FOXP1: variants seen among roughly 807,000 people sequenced by gnomAD.
FOXP1 encodes forkhead box protein P1.
FOXP1 carries 15 observed loss-of-function variants against 98.2 expected under a neutral mutation model. The observed-to-expected ratio is 0.15, with a 90% CI of 0.10 to 0.24. The LOEUF (loss-of-function observed/expected upper bound fraction) is 0.24, where lower values mean the gene tolerates loss of function less well. Among genes scored for constraint, FOXP1 ranks in the 10% least tolerant of loss-of-function variants. The pLI, the probability that FOXP1 is intolerant of heterozygous loss-of-function variation, is 1.00. For missense variants in FOXP1, 633 were observed against 848.5 expected (o/e 0.75, Z 3.15); for synonymous variants, 371 against 314.5 (o/e 1.18, Z -1.90).
chr3:71,442,890 T>A (rs4077536), intron 3 of FOXP1, among the ~76,000 whole-genome samples: 48,926 of 152,162 alleles, frequency 0.32, 8,664 homozygotes, highest in Non-Finnish European at 0.41. Context: ...TTTTTTATTT[T>A]TTTTTTATTT....
chr3:71,003,086 C>T (rs999718769), intron 12 of FOXP1, among the ~76,000 whole-genome samples: 6 of 152,198 alleles, frequency 3.9e-5, no homozygotes, highest in Non-Finnish European at 7.3e-5. Flanking sequence ...AACGACATGC[C>T]AGATGCTACT....
At chr3:71,008,292 G>A (rs2043059567) in intron 12 of FOXP1, among the ~76,000 whole-genome samples, 1 of 152,068 alleles carries the variant, frequency 6.6e-6, no homozygotes, top group Admixed American at 6.6e-5. Flanking sequence ...AAAAAGGGAG[G>A]GGGAGGAAAG....
chr3:71,580,712 C>T (rs2048098192), intron 2 of FOXP1: 1 of 907,234 alleles, frequency 1.1e-6, no homozygotes, highest in Non-Finnish European at 1.3e-6. Context: ...AATTTTGCAG[C>T]GATTCTTCAA....
At chr3:71,294,307 C>T (rs2073058014) in intron 5 of FOXP1, among the ~76,000 whole-genome samples, 1 of 152,118 alleles carries the variant, frequency 6.6e-6, no homozygotes, top group African/African-American at 2.4e-5. Flanking sequence ...ATTAACATGC[C>T]TGATAACATT....
At chr3:71,361,265 A>G (rs1430278974) in intron 3 of FOXP1, among the ~76,000 whole-genome samples, 10 of 152,182 alleles carry the variant, frequency 6.6e-5, no homozygotes, top group Non-Finnish European at 1.5e-5. Flanking sequence ...CAACGAGATA[A>G]TGAAGTTAAT....
At chr3:71,301,784 C>T (rs1047460471) in intron 4 of FOXP1, among the ~76,000 whole-genome samples, 10 of 152,254 alleles carry the variant, frequency 6.6e-5, no homozygotes, top group Admixed American at 3.3e-4. Flanking sequence ...TTTGAACCTG[C>T]GGAACACTTT....
chr3:71,384,112 G>T (rs1035783392), intron 3 of FOXP1, among the ~76,000 whole-genome samples: 1 of 152,120 alleles, frequency 6.6e-6, no homozygotes, highest in African/African-American at 2.4e-5. Flanking sequence ...CCAGTTATGT[G>T]GGAGGCTGAG....
In FOXP1 at chr3:70,970,682, G is replaced by A. The variant is rs1575739777; in HGVS notation, c.1722+54C>T. ...GAGCAAGGCTAATATATTTTGAAAT[G>A]AGTAGGGGAGACCTGTGCCTCTGCT... On this transcript the variant is annotated intron_variant, in intron 19 of 20. Coordinates refer to ENST00000649528, the MANE Select transcript of FOXP1 (RefSeq NM_001349338.3). 4 of 1,301,540 alleles carry A rather than the reference G, an allele frequency of 3.1e-6. No individual in the cohort carries two copies. The East Asian group carries it at 6.9e-5, about 22-fold the overall frequency. The allele number at this position is 1,301,540 out of a possible 1,614,324, so 80.6% of individuals were successfully genotyped here. A position where few individuals can be genotyped will look rare whatever the true frequency, so the allele number is the denominator to read the frequency against.
intron 20 of FOXP1, among the ~76,000 whole-genome samples, chr3:70,961,087 C>A (rs1221994167): frequency 6.6e-6 from 1 of 151,886 alleles, no homozygotes; most frequent in South Asian, 2.1e-4. Flanking sequence ...CCGCCTTGGC[C>A]TCCCAAAGTG....
intron 6 of FOXP1, among the ~76,000 whole-genome samples, chr3:71,137,858 T>C (rs943208617): frequency 6.6e-6 from 1 of 151,912 alleles, no homozygotes; most frequent in African/African-American, 2.4e-5. Context: ...TAGATTTCTA[T>C]ACAAGTTGTG....
chr3:71,047,175 T>C, intron 9 of FOXP1, 80 bp from the exon 10 acceptor site: 4 of 1,517,692 alleles, frequency 2.6e-6, no homozygotes, highest in Middle Eastern at 1.7e-4. Flanking sequence ...AAACTCACCA[T>C]CATCATCAAA....
intron 6 of FOXP1, among the ~76,000 whole-genome samples, chr3:71,157,454 T>A (rs2060880358): frequency 6.6e-6 from 1 of 152,220 alleles, no homozygotes; most frequent in Non-Finnish European, 1.5e-5. Context: ...GTTACCGACA[T>A]ACCTGCCCCA....
At chr3:71,029,415 G>C (rs1304381632) in intron 11 of FOXP1, among the ~76,000 whole-genome samples, 2 of 151,944 alleles carry the variant, frequency 1.3e-5, no homozygotes, top group East Asian at 3.9e-4. Context: ...TTTTGAGACA[G>C]AGTCTTGCTC....
intron 3 of FOXP1, among the ~76,000 whole-genome samples, chr3:71,397,265 C>A (rs528732734): frequency 3.0e-4 from 45 of 151,358 alleles, no homozygotes; most frequent in South Asian, 1.3e-3. Context: ...AAAACCCATT[C>A]GGAAGGAACG....
At chr3:71,379,775 C>A (rs547203364) in intron 3 of FOXP1, among the ~76,000 whole-genome samples, 1 of 152,282 alleles carries the variant, frequency 6.6e-6, no homozygotes, top group South Asian at 2.1e-4. Context: ...TGAGTGGTTG[C>A]AACAAAGACC....
rs551452603 is a variant in FOXP1, at chr3:71,388,685, C to T, written c.-167-29441G>A. Among the ~76,000 whole-genome samples, 4 of 152,174 alleles carry T rather than the reference C, an allele frequency of 2.6e-5. No homozygotes were observed. In the East Asian group the frequency reaches 7.7e-4, roughly 29 times the overall value. ...GGAGAAAAAGGGAAGAAGAAAAAAA[C>T]ATAGTGGCAGTTACAACAAATTAAC... On this transcript the variant is annotated intron_variant, in intron 3 of 20. Coordinates refer to ENST00000649528, the MANE Select transcript of FOXP1 (RefSeq NM_001349338.3).
At chr3:71,309,336 A>G (rs2074527018) in intron 4 of FOXP1, among the ~76,000 whole-genome samples, 1 of 152,224 alleles carries the variant, frequency 6.6e-6, no homozygotes, top group Admixed American at 6.5e-5. Context: ...TAACATACTT[A>G]ACATTTAAAA....
At chr3:71,535,652 A>T (rs1002050228) in intron 2 of FOXP1, among the ~76,000 whole-genome samples, 5 of 152,170 alleles carry the variant, frequency 3.3e-5, no homozygotes, top group Non-Finnish European at 7.3e-5. Context: ...TGAGCCTGGG[A>T]GGTGAAGGCT....
At chr3:71,113,712 CAAAATAAAATAAAAT>C (rs4055929) in intron 6 of FOXP1, among the ~76,000 whole-genome samples, 1 of 102,378 alleles carries the variant, frequency 9.8e-6, no homozygotes, top group African/African-American at 3.8e-5. Context: ...GCTTCCATCT[CAAAATAAAATAAAAT>C]AAAATAAAAT....
Sources: allele counts gnomAD v4.1 joint callset (sites outside exome capture counted in the v4.1 genomes callset), GRCh38; gene constraint gnomAD v4.1.1; transcripts MANE v1.5; gene names NCBI Gene and HGNC (gene_info 2026-07-23, HGNC 2026-07-21).